Variants in EVC observed in about 807,000 individuals in gnomAD.
The protein encoded by EVC is evC complex member EVC.
In EVC, 116 loss-of-function variants were observed where a neutral mutation model predicts 118.9. The ratio of observed to expected loss-of-function variants is 0.98; its 90% confidence interval spans 0.84 to 1.14. The LOEUF (loss-of-function observed/expected upper bound fraction) is 1.14. EVC is among the 50% of genes most tolerant of loss of function. EVC has a pLI of 0.00. For missense variants in EVC, 1,401 were observed against 1,246.4 expected, an observed-to-expected ratio of 1.12 and a Z score of -1.87; for synonymous variants, 619 against 534.7, an observed-to-expected ratio of 1.16 and a Z score of -2.18.
At chr4:5,757,820 C>T (rs1042764783) in intron 11 of EVC, among the ~76,000 whole-genome samples, 1 of 149,802 alleles carries the variant, frequency 6.7e-6, no homozygotes, top group Non-Finnish European at 1.5e-5. Flanking sequence ...AGAGCTTCAA[C>T]ATAAGAATTT....
At position 5,749,873 on chromosome 4, in the gene EVC, G is replaced by C. The variant is rs1220632168; in HGVS notation, c.1098+1567G>C. Among the ~76,000 whole-genome samples, 1 of 152,020 alleles carries C rather than the reference G, an allele frequency of 6.6e-6. No homozygotes were observed. The highest frequency in any genetic ancestry group is 2.4e-5 in the African/African-American group (1 of 41,398). On this transcript the variant is annotated intron_variant, in intron 8 of 20. Coordinates refer to ENST00000264956, the MANE Select transcript of EVC (RefSeq NM_153717.3). The surrounding 1 kb of genome is among the most constrained non-coding windows in gnomAD (Gnocchi z 4.4). ...GCACACCACATGCCTCTCCCAATCC[G>C]CTCTGCTCCTCCAGGTGTGATCCAC...
intron 8 of EVC, among the ~76,000 whole-genome samples, chr4:5,748,652 C>G (rs1214616191): frequency 3.4e-5 from 3 of 88,608 alleles, no homozygotes; most frequent in Admixed American, 3.1e-4. Context: ...ACCCATTTAT[C>G]CATCCATCCA....
the EVC span, among the ~76,000 whole-genome samples, chr4:5,822,451 C>T: frequency 6.6e-6 from 1 of 150,462 alleles, no homozygotes; most frequent in African/African-American, 2.4e-5. Context: ...GTGAACTCCG[C>T]AAGCTGGATT....
rs1307211234 is a variant in EVC, at chr4:5,755,626, G to A, written c.1465-638G>A. Among the ~76,000 whole-genome samples the A allele has an allele frequency of 3.3e-5, 5 of 152,094 alleles. No homozygotes were observed. The highest frequency in any genetic ancestry group is 9.7e-5 in the African/African-American group (4 of 41,412). ...TGGCTCCCCATCTTCCCTCCAAGGA[G>A]TCCTTCCTTGTCCTTAGAGACTCCA... On this transcript the variant is annotated intron_variant, in intron 10 of 20. Transcript: ENST00000264956. This position sits in a 1 kb window ranked among gnomAD's most constrained non-coding sequence, Gnocchi z 4.1.
chr4:5,725,066 T>A (rs1379050077), intron 2 of EVC, among the ~76,000 whole-genome samples: 1 of 152,236 alleles, frequency 6.6e-6, no homozygotes, highest in Non-Finnish European at 1.5e-5. Context: ...TTGTTCCTTT[T>A]TATGGCTGCA....
At chr4:5,816,781 T>C (rs572479564), downstream of EVC, among the ~76,000 whole-genome samples, 1 of 150,892 alleles carries the variant, frequency 6.6e-6, no homozygotes, top group African/African-American at 2.4e-5. Context: ...TCTGGCTCTC[T>C]CCTCATTTTG....
rs1722948382 is a variant in EVC at position 5,711,228 on chromosome 4, A to T, written c.-153A>T. On this transcript the variant is annotated 5_prime_UTR_variant, in exon 1 of 21. Coordinates refer to ENST00000264956, the MANE Select transcript of EVC (RefSeq NM_153717.3). ...GGCTCGGCGAAGCAGGGAAGGGGAG[A>T]GAAGCAGGAGTCGGGAGACTGCACA... 5.5e-6 allele frequency: 2 copies of T among 364,184 alleles called. No individual in the cohort carries two copies. Among genetic ancestry groups the T allele is most frequent in the Non-Finnish European group, 7.6e-6 (2 of 261,460 alleles). The allele number at this position is 364,184 out of a possible 1,614,324, so 22.6% of individuals were successfully genotyped here.
At chr4:5,802,934 A>C (rs1158973197) in intron 16 of EVC, among the ~76,000 whole-genome samples, 1 of 152,088 alleles carries the variant, frequency 6.6e-6, no homozygotes, top group Non-Finnish European at 1.5e-5. Context: ...TCCTAATTAG[A>C]CGTTCAATGA....
At chr4:5,772,373 CAG>C (rs939123503) in intron 11 of EVC, among the ~76,000 whole-genome samples, 3 of 150,370 alleles carry the variant, frequency 2.0e-5, no homozygotes, top group African/African-American at 7.4e-5. Context: ...AAGAAGCAAA[CAG>C]ACCAGGTTAT....
At chr4:5,723,575 G>C (rs1725332494) in intron 2 of EVC, among the ~76,000 whole-genome samples, 1 of 152,018 alleles carries the variant, frequency 6.6e-6, no homozygotes, top group Non-Finnish European at 1.5e-5. Flanking sequence ...TTTCTCTCAT[G>C]GTCATCCTTT....
chr4:5,745,379 GT>G lies in EVC; in HGVS notation c.939+40del, dbSNP rs3214258. 289,183 of 1,610,668 alleles carry G rather than the reference GT, an allele frequency of 0.18. 27,638 individuals are homozygous for G. Among genetic ancestry groups the G allele is most frequent in the African/African-American group, 0.31 (23,502 of 74,846 alleles). On this transcript the variant is annotated intron_variant, in intron 7 of 20. Transcript: ENST00000264956. The stretch of plus-strand genomic sequence containing the variant: ...CTTTCTTTCCTGTACACAAATTTTG[GT>G]TCCTAAAACAGTTAAATTGGCTACA...
Position 5,733,451 on chromosome 4 carries a change from C to T in EVC, c.702+16C>T, listed in dbSNP as rs180960931. ...AAAGCATATGGTAGGTGGAGATGTT[C>T]GCATTCCCTCCTTTTCATGGGGACA... On this transcript the variant is annotated intron_variant, in intron 5 of 20. Transcript: ENST00000264956. 95 of 1,603,988 alleles carry T rather than the reference C, an allele frequency of 5.9e-5. No individual in the cohort carries two copies. In the Admixed American group the frequency reaches 8.2e-4, roughly 14 times the overall value.
At chr4:5,768,839 G>A (rs1733464168) in intron 11 of EVC, among the ~76,000 whole-genome samples, 1 of 61,382 alleles carries the variant, frequency 1.6e-5, no homozygotes. Context: ...CCTGGTGACA[G>A]AGCAAAACTC....
chr4:5,719,132 C>A lies in EVC; in HGVS notation c.175-116C>A. 7.4e-7 allele frequency: 1 copy of A among 1,359,560 alleles called. No homozygotes were observed. Among genetic ancestry groups the A allele is most frequent in the Non-Finnish European group, 1.0e-6 (1 of 956,054 alleles). 84.2% of individuals were successfully genotyped at this position (1,359,560 alleles called of 1,614,324 possible). ...CAAGCTTGAGAAGCACAGAGGCGAG[C>A]AGAAGTGGCTGCTGGACTGGGGGAG... On this transcript the variant is annotated intron_variant, in intron 1 of 20. Transcript: ENST00000264956. The surrounding 1 kb of genome is among the most constrained non-coding windows in gnomAD (Gnocchi z 4.7).
intron 5 of EVC, among the ~76,000 whole-genome samples, chr4:5,741,223 C>A (rs1728517407): frequency 6.6e-6 from 1 of 152,216 alleles, no homozygotes; most frequent in Non-Finnish European, 1.5e-5. Context: ...GCAGATACAG[C>A]CCCCTCTGTA....
Position 5,719,769 on chromosome 4 carries a change from TTAAGA to T in EVC, c.300+398_300+402del, listed in dbSNP as rs1298548201. On this transcript the variant is annotated intron_variant, in intron 2 of 20. Coordinates refer to ENST00000264956, the MANE Select transcript of EVC (RefSeq NM_153717.3). The surrounding 1 kb of genome is among the most constrained non-coding windows in gnomAD (Gnocchi z 4.7). ...GCCTGTGTTCCCTCCACAGAATGCC[TTAAGA>T]TGTTTCCCTTTCGTTGTGTGTATCA... is the stretch of plus-strand genomic sequence containing the variant. 1.3e-5 allele frequency among the ~76,000 whole-genome samples: 2 copies of T among 152,178 alleles called. No individual in the cohort carries two copies. The highest frequency in any genetic ancestry group is 4.8e-5 in the African/African-American group (2 of 41,444).
At chr4:5,722,328 C>G (rs2151865717) in intron 2 of EVC, among the ~76,000 whole-genome samples, 1 of 152,346 alleles carries the variant, frequency 6.6e-6, no homozygotes, top group Non-Finnish European at 1.5e-5. Context: ...CACTATTCAG[C>G]TACACCTAGC....
In EVC at chr4:5,756,265, C is replaced by T; in HGVS notation, c.1466C>T (p.Ala489Val). The change falls in exon 11 of 21, where the codon GCT becomes GTT. Residue 489 changes from alanine (A) to valine (V), a missense_variant and splice_region_variant. By Grantham distance (64) the Ala-to-Val change is moderately conservative. Coordinates refer to ENST00000264956, the MANE Select transcript of EVC (RefSeq NM_153717.3). This position sits in a 1 kb window ranked among gnomAD's most constrained non-coding sequence, Gnocchi z 4.2. ...ACTCAGCTCTTGTTTTCCTCACAGG[C>T]TTTTCATGAGGTCCTGGAGAGGCAG... ...PTADPEKFLE[A>V]FHEVLERQRL... is the part of the protein sequence containing the mutation. The T allele has an allele frequency of 1.2e-6, 2 of 1,610,324 alleles. No individual in the cohort carries two copies. The highest frequency in any genetic ancestry group is 8.5e-7 in the Non-Finnish European group (1 of 1,178,352).
At chr4:5,810,480 T>C (rs369550817) in intron 20 of EVC, 30 bp downstream of exon 20, 16 of 1,553,052 alleles carry the variant, frequency 1.0e-5, no homozygotes, top group African/African-American at 1.4e-5. Flanking sequence ...CTGTTGCCTG[T>C]GGCTGGGTTT....
Sources: allele counts gnomAD v4.1 joint callset (sites outside exome capture counted in the v4.1 genomes callset), GRCh38; gene constraint gnomAD v4.1.1; non-coding constraint Gnocchi (gnomAD v3.1); transcripts MANE v1.5; gene names NCBI Gene and HGNC (gene_info 2026-07-23, HGNC 2026-07-21).